ITGA4: variants seen among roughly 807,000 people sequenced by gnomAD.
The protein encoded by ITGA4 is integrin subunit alpha 4, also known as integrin alpha-4.
Under a neutral mutation model 133.6 loss-of-function variants are expected in ITGA4, and 63 were observed. The ratio of observed to expected loss-of-function variants is 0.47; its 90% CI spans 0.38 to 0.58. ITGA4 has a LOEUF of 0.58. Ranked by LOEUF, ITGA4 falls within the 20% of genes least tolerant of loss-of-function variation. The pLI is 0.00. For missense variants in ITGA4, 1,076 were observed against 1,252.7 expected (o/e 0.86, Z 2.13); for synonymous variants, 483 against 438.0 (o/e 1.10, Z -1.28).
chr2:181,475,931 G>A (rs536285094), intron 4 of ITGA4: 542 of 1,481,496 alleles, frequency 3.7e-4, no homozygotes, highest in Non-Finnish European at 4.6e-4. Context: ...CCAACAATGC[G>A]TCTTTAGGAG....
At position 181,482,442 on chromosome 2, in the gene ITGA4, A is replaced by G. The variant is rs371733653; in HGVS notation, c.903+20A>G. The G allele has an allele frequency of 1.2e-6, 2 of 1,613,412 alleles. No individual in the cohort carries two copies. Among genetic ancestry groups the G allele is most frequent in the African/African-American group, 2.7e-5 (2 of 75,000 alleles). On this transcript the variant is annotated intron_variant, in intron 8 of 27. Transcript: ENST00000397033. ...AAAAAGGTAATATGTCTCTACCTTT[A>G]GTATCTCTGTGGGCTTTTGCGAGTA...
Position 181,457,398 on chromosome 2 carries a change from G to A in ITGA4, c.-257G>A. 6.8e-6 allele frequency: 3 copies of A among 439,268 alleles called. No homozygotes were observed. In the South Asian group the frequency reaches 8.1e-5, roughly 12 times the overall value. The allele number at this position is 439,268 out of a possible 1,614,324, so 27.2% of individuals were successfully genotyped here. On this transcript the variant is annotated 5_prime_UTR_variant, in exon 1 of 28. Transcript: ENST00000397033. Reference sequence around the variant, plus strand: ...GCCCGTACCCGGAGAAGCAGCGCGAGCACCCGAAGCTCCCGGCTGGCGGCA... The same window carrying A: ...GCCCGTACCCGGAGAAGCAGCGCGAACACCCGAAGCTCCCGGCTGGCGGCA...
chr2:181,477,067 C>T (rs1429630185), intron 4 of ITGA4, among the ~76,000 whole-genome samples: 1 of 152,104 alleles, frequency 6.6e-6, no homozygotes, highest in African/African-American at 2.4e-5. Flanking sequence ...ACATCAAACC[C>T]CTACAACACG....
chr2:181,472,215 T>G (rs1413768723), intron 2 of ITGA4, among the ~76,000 whole-genome samples: 1 of 152,228 alleles, frequency 6.6e-6, no homozygotes, highest in Non-Finnish European at 1.5e-5. Flanking sequence ...GTTTGTCTAG[T>G]CTTCACTTAG....
chr2:181,464,015 C>T (rs568021166), intron 2 of ITGA4, among the ~76,000 whole-genome samples: 143 of 152,086 alleles, frequency 9.4e-4, no homozygotes, highest in African/African-American at 3.4e-3. Flanking sequence ...CTATAGGGCA[C>T]CAGTAGTTTC....
At chr2:181,500,708 T>C (rs1445922991) in intron 15 of ITGA4, among the ~76,000 whole-genome samples, 1 of 152,120 alleles carries the variant, frequency 6.6e-6, no homozygotes, top group Admixed American at 6.6e-5. Flanking sequence ...GTCTGTTGGT[T>C]GGACATGGTT....
At chr2:181,458,669 A>G (rs1685194215) in intron 2 of ITGA4, 1 of 245,408 alleles carries the variant, frequency 4.1e-6, no homozygotes, top group Non-Finnish European at 8.2e-6. Context: ...AAGACTTGAG[A>G]ATTTTATTTC....
chr2:181,514,663 G>T lies in ITGA4; in HGVS notation c.1922+2888G>T, dbSNP rs946183270. On this transcript the variant is annotated intron_variant, in intron 17 of 27. Coordinates refer to ENST00000397033, the MANE Select transcript of ITGA4 (RefSeq NM_000885.6). ...TTTGATAAGAAGACGAGCTGTGTGG[G>T]GGAAATCTTTTCTAAGCTGCAAGTA... Among the ~76,000 whole-genome samples the T allele has an allele frequency of 7.9e-5, 12 of 152,058 alleles. No individual in the cohort carries two copies. In the East Asian group the frequency reaches 1.9e-3, roughly 25 times the overall value.
intron 24 of ITGA4, among the ~76,000 whole-genome samples, chr2:181,531,305 T>G (rs6433921): frequency 0.7 from 106,908 of 151,934 alleles, 37,994 homozygotes; most frequent in South Asian, 0.89. Context: ...TGGAGAAGCA[T>G]TCATCACCTT....
rs1375912584 is a variant in ITGA4 at position 181,478,801 on chromosome 2, G to A, written c.601G>A (p.Gly201Arg). The change falls in exon 5 of 28, where the codon GGA (glycine) becomes AGA (arginine). Residue 201 changes from glycine (G) to arginine (R), a missense_variant. By Grantham distance (125) the Gly-to-Arg change is moderately radical. This residue lies in a region of ITGA4 where 436 missense variants were observed against 590.7 expected (regional missense o/e 0.74). Coordinates refer to ENST00000397033, the MANE Select transcript of ITGA4 (RefSeq NM_000885.6). ...FGENFASCQA[G>R]ISSFYTKDLI... The stretch of plus-strand genomic sequence containing the variant: ...AGAAAATTTTGCATCATGTCAAGCT[G>A]GAATATCCAGTTTTTACACAAAGGT... 2 of 1,481,196 alleles carry A rather than the reference G, an allele frequency of 1.4e-6. No individual in the cohort carries two copies. The highest frequency in any genetic ancestry group is 1.8e-6 in the Non-Finnish European group (2 of 1,099,516). The allele number at this position is 1,481,196 out of a possible 1,614,324, so 91.8% of individuals were successfully genotyped here.
chr2:181,524,794 A>T (rs1054099632), intron 20 of ITGA4, among the ~76,000 whole-genome samples: 1 of 152,174 alleles, frequency 6.6e-6, no homozygotes, highest in African/African-American at 2.4e-5. Context: ...TTAAAAAATT[A>T]TATGATTGAT....
intron 17 of ITGA4, among the ~76,000 whole-genome samples, chr2:181,520,852 TTTCAA>T (rs541941874): frequency 2.6e-5 from 4 of 152,280 alleles, no homozygotes; most frequent in South Asian, 2.1e-4. Context: ...GTACAGAAAC[TTTCAA>T]TTCATTCATG....
chr2:181,462,352 C>T (rs1685305823), intron 2 of ITGA4, among the ~76,000 whole-genome samples: 1 of 152,144 alleles, frequency 6.6e-6, no homozygotes, highest in Non-Finnish European at 1.5e-5. Flanking sequence ...TAGCCAGCCT[C>T]CTGGTTCATA....
Position 181,523,282 on chromosome 2 carries a change from T to C in ITGA4, c.2074-155T>C, listed in dbSNP as rs1686759497. The C allele has an allele frequency of 3.6e-6, 2 of 554,890 alleles. No homozygotes were observed. The highest frequency in any genetic ancestry group is 1.9e-5 in the African/African-American group (1 of 52,650). 34.4% of individuals were successfully genotyped at this position (554,890 alleles called of 1,614,324 possible). ...CACATGCACACATATTTATATCATA[T>C]GTCTATTTATCTCAAACATATAAAT... On this transcript the variant is annotated intron_variant, in intron 18 of 27. Coordinates refer to ENST00000397033, the MANE Select transcript of ITGA4 (RefSeq NM_000885.6). The surrounding 1 kb of genome is among the most constrained non-coding windows in gnomAD (Gnocchi z 4.2).
At chr2:181,517,476 T>G (rs1193578404) in intron 17 of ITGA4, among the ~76,000 whole-genome samples, 1 of 152,108 alleles carries the variant, frequency 6.6e-6, no homozygotes, top group African/African-American at 2.4e-5. Flanking sequence ...GTACCTTGAT[T>G]TGTTTAAGTT....
chr2:181,527,153 T>A (rs1686850728), intron 21 of ITGA4, 144 bp from the exon 22 acceptor site: 1 of 509,268 alleles, frequency 2.0e-6, no homozygotes, highest in Non-Finnish European at 3.5e-6. Flanking sequence ...AATTTCTTTT[T>A]AAATAAAATG....
chr2:181,524,192 G>T lies in ITGA4; in HGVS notation c.2191G>T (p.Asp731Tyr), dbSNP rs767583009. Residue 731 changes from aspartate (D) to tyrosine (Y), a missense_variant, in exon 20 of 28, where the codon GAT becomes TAT. Physicochemically the swap from Asp to Tyr is radical, Grantham distance 160. This residue lies in a region of ITGA4 where 365 missense variants were observed against 421.4 expected (regional missense o/e 0.87). Coordinates refer to ENST00000397033, the MANE Select transcript of ITGA4 (RefSeq NM_000885.6). ...ACAGATAGATATTAGCTTTCTCCTGGATGTGAGCTCACTCAGCAGAGCGGA... is the reference window on the plus strand; with the variant it reads ...ACAGATAGATATTAGCTTTCTCCTGTATGTGAGCTCACTCAGCAGAGCGGA... ...LSRIDISFLL[D>Y]VSSLSRAEED... The T allele has an allele frequency of 6.2e-7, 1 of 1,604,224 alleles. No homozygotes were observed. The highest frequency in any genetic ancestry group is 1.7e-5 in the Admixed American group (1 of 58,730).
At chr2:181,465,976 A>C (rs1013415429) in intron 2 of ITGA4, among the ~76,000 whole-genome samples, 1 of 152,174 alleles carries the variant, frequency 6.6e-6, no homozygotes, top group Non-Finnish European at 1.5e-5. Context: ...TGTGGTACGT[A>C]GTAAGCATGC....
chr2:181,515,483 C>T (rs11886182), intron 17 of ITGA4, among the ~76,000 whole-genome samples: 91,629 of 151,894 alleles, frequency 0.6, 28,003 homozygotes, highest in South Asian at 0.84. Flanking sequence ...CAATTCTATA[C>T]ATAATTCTGC....
Sources: allele counts gnomAD v4.1 joint callset (sites outside exome capture counted in the v4.1 genomes callset), GRCh38; gene constraint gnomAD v4.1.1; regional missense constraint gnomAD v4.1.1; non-coding constraint Gnocchi (gnomAD v3.1); transcripts MANE v1.5; gene names NCBI Gene and HGNC (gene_info 2026-07-23, HGNC 2026-07-21).